C4orf36: variants seen among roughly 807,000 people sequenced by gnomAD.
The protein encoded by C4orf36 is chromosome 4 open reading frame 36.
C4orf36 carries 11 observed loss-of-function variants against 12.2 expected under a neutral mutation model. The observed-to-expected ratio is 0.90, with a 90% confidence interval of 0.57 to 1.49. C4orf36 has a LOEUF of 1.49. C4orf36 is among the 40% of genes most tolerant of loss of function. The pLI, the probability that C4orf36 is intolerant of heterozygous loss-of-function variation, is 0.00. For missense variants in C4orf36, 137 were observed against 133.9 expected, an observed-to-expected ratio of 1.02 and a Z score of -0.11; for synonymous variants, 54 against 51.3, an observed-to-expected ratio of 1.05 and a Z score of -0.22.
At chr4:86,881,387 A>G (rs545038230) in intron 4 of C4orf36, among the ~76,000 whole-genome samples, 2 of 152,202 alleles carry the variant, frequency 1.3e-5, no homozygotes, top group Non-Finnish European at 2.9e-5. Context: ...CCCATATTCA[A>G]TCATATCATG....
chr4:86,879,940 T>A (rs1043853755), intron 4 of C4orf36, among the ~76,000 whole-genome samples: 10 of 151,330 alleles, frequency 6.6e-5, no homozygotes, highest in African/African-American at 2.4e-4. Context: ...AGCCTCGAAC[T>A]CCTGGGCTCA....
chr4:86,880,814 G>C (rs1747035850), intron 4 of C4orf36, among the ~76,000 whole-genome samples: 1 of 152,156 alleles, frequency 6.6e-6, no homozygotes, highest in Non-Finnish European at 1.5e-5. Flanking sequence ...GGCTGAGGCA[G>C]GCAGATCACC....
intron 4 of C4orf36, among the ~76,000 whole-genome samples, chr4:86,884,743 C>A (rs573416383): frequency 2.0e-5 from 3 of 152,014 alleles, no homozygotes; most frequent in Non-Finnish European, 4.4e-5. Context: ...TTGTTGCCAT[C>A]GCTTTTGGTG....
chr4:86,885,910 G>T (rs1046005569), intron 4 of C4orf36, among the ~76,000 whole-genome samples: 1 of 152,128 alleles, frequency 6.6e-6, no homozygotes, highest in Admixed American at 6.6e-5. Flanking sequence ...TAGCGTGAAG[G>T]GCTGTTGAAT....
chr4:86,895,852 T>C (rs1046319577), upstream of C4orf36, among the ~76,000 whole-genome samples: 1 of 152,270 alleles, frequency 6.6e-6, no homozygotes, highest in African/African-American at 2.4e-5. Flanking sequence ...ATCTTTCTAT[T>C]AGGTAAGGCT....
At chr4:86,879,757 A>G (rs1450653899) in intron 4 of C4orf36, among the ~76,000 whole-genome samples, 2 of 152,222 alleles carry the variant, frequency 1.3e-5, no homozygotes, top group Admixed American at 1.3e-4. Context: ...GTAAAATGTC[A>G]AAGACAAAGA....
the C4orf36 span, among the ~76,000 whole-genome samples, chr4:86,923,507 C>T: frequency 6.6e-6 from 1 of 151,790 alleles, no homozygotes; most frequent in African/African-American, 2.4e-5. Flanking sequence ...CCTGTAAGCC[C>T]AGCACTTTGG....
the C4orf36 span, chr4:86,914,312 C>T: frequency 2.5e-6 from 4 of 1,588,910 alleles, no homozygotes; most frequent in Non-Finnish European, 3.5e-6. Flanking sequence ...TCTTGGGAGC[C>T]CAGTCAATAC....
intron 4 of C4orf36, among the ~76,000 whole-genome samples, chr4:86,877,889 A>G (rs1477616363): frequency 6.6e-6 from 1 of 152,212 alleles, no homozygotes; most frequent in Non-Finnish European, 1.5e-5. Flanking sequence ...ATGTACTGAT[A>G]TGCTATCTAG....
intron 4 of C4orf36, among the ~76,000 whole-genome samples, chr4:86,881,112 T>A (rs1747045705): frequency 6.6e-6 from 1 of 151,788 alleles, no homozygotes; most frequent in Non-Finnish European, 1.5e-5. Context: ...GTTGTGTAGA[T>A]CACTTTTAAG....
At chr4:86,896,678 C>T (rs1747596882), upstream of C4orf36, among the ~76,000 whole-genome samples, 1 of 152,168 alleles carries the variant, frequency 6.6e-6, no homozygotes, top group Non-Finnish European at 1.5e-5. Flanking sequence ...GCTCTGTTCT[C>T]ACTAATGTAA....
chr4:86,934,680 C>T, the C4orf36 span: 1 of 152,238 alleles, frequency 6.6e-6, no homozygotes, highest in East Asian at 1.9e-4. Context: ...CAAAAAGGCT[C>T]CTTGACACTT....
At chr4:86,894,365 C>T (rs900626546), upstream of C4orf36, among the ~76,000 whole-genome samples, 10 of 152,048 alleles carry the variant, frequency 6.6e-5, no homozygotes, top group African/African-American at 2.4e-4. Context: ...GCTCAATGTA[C>T]AGCCCTTAAC....
At chr4:86,886,260 T>C (rs967519594) in intron 4 of C4orf36, among the ~76,000 whole-genome samples, 1 of 152,174 alleles carries the variant, frequency 6.6e-6, no homozygotes, top group African/African-American at 2.4e-5. Flanking sequence ...ATTGGAATAG[T>C]TTCAGAAGGA....
the C4orf36 span, among the ~76,000 whole-genome samples, chr4:86,899,146 G>T: frequency 2.0e-5 from 3 of 152,134 alleles, no homozygotes; most frequent in Non-Finnish European, 2.9e-5. Flanking sequence ...TGATAAATCT[G>T]TCTGAGGATT....
the C4orf36 span, among the ~76,000 whole-genome samples, chr4:86,901,563 G>A: frequency 6.7e-6 from 1 of 149,146 alleles, no homozygotes; most frequent in African/African-American, 2.5e-5. Flanking sequence ...ACCCGCCACC[G>A]CACCCGGCTA....
At chr4:86,913,586 T>A in the C4orf36 span, 1 of 1,304,730 alleles carries the variant, frequency 7.7e-7, no homozygotes. Context: ...CACCACTCTG[T>A]TCTCTGAGAC....
At chr4:86,883,356 A>G (rs1229037724) in intron 4 of C4orf36, among the ~76,000 whole-genome samples, 1 of 152,248 alleles carries the variant, frequency 6.6e-6, no homozygotes, top group African/African-American at 2.4e-5. Context: ...TTTGGCAAGT[A>G]GTACATATAT....
At chr4:86,918,640 T>C in the C4orf36 span, among the ~76,000 whole-genome samples, 1 of 152,174 alleles carries the variant, frequency 6.6e-6, no homozygotes, top group Admixed American at 6.5e-5. Flanking sequence ...TCTATACTGC[T>C]AGTGATTGAT....
Sources: gnomAD v4.1 joint callset for allele counts (sites outside exome capture counted in the v4.1 genomes callset) on GRCh38, gnomAD v4.1.1 for gene constraint, MANE v1.5 for transcripts, NCBI Gene and HGNC (gene_info 2026-07-23, HGNC 2026-07-21) for gene names.